Variants in RUFY3 observed in about 807,000 individuals in gnomAD.
RUFY3 encodes the protein protein RUFY3.
In RUFY3, 34 loss-of-function variants were observed where a neutral mutation model predicts 84.0. The observed-to-expected ratio is 0.40, with a 90% CI of 0.31 to 0.54. The LOEUF is 0.54. Among genes scored for constraint, RUFY3 ranks in the 20% least tolerant of loss-of-function variants. The pLI is 0.39. For synonymous variants in RUFY3, 242 were observed against 252.9 expected (o/e 0.96, Z 0.41); for missense variants, 507 against 736.8 (o/e 0.69, Z 3.61).
chr4:70,757,854 TG>T (rs1358210033), intron 1 of RUFY3, among the ~76,000 whole-genome samples: 3 of 152,164 alleles, frequency 2.0e-5, no homozygotes, highest in Non-Finnish European at 4.4e-5. Context: ...CAATATGTAT[TG>T]AAAAAAATAA....
intron 1 of RUFY3, among the ~76,000 whole-genome samples, chr4:70,727,053 T>G (rs1034443062): frequency 3.3e-5 from 5 of 150,838 alleles, no homozygotes; most frequent in Non-Finnish European, 1.5e-5. Flanking sequence ...TTTTTTTTTT[T>G]TTTTTTAACC....
At chr4:70,742,293 G>A (rs2148649853) in intron 1 of RUFY3, among the ~76,000 whole-genome samples, 1 of 152,252 alleles carries the variant, frequency 6.6e-6, no homozygotes, top group East Asian at 1.9e-4. Context: ...ACTATAGGGA[G>A]CTCAGAGCGA....
At chr4:70,705,928 AG>A (rs1560427916) in intron 1 of RUFY3, among the ~76,000 whole-genome samples, 1 of 152,230 alleles carries the variant, frequency 6.6e-6, no homozygotes, top group Non-Finnish European at 1.5e-5. Flanking sequence ...GAAGACAAGA[AG>A]GGAATGTGTG....
At chr4:70,729,958 G>A (rs1211786036) in intron 1 of RUFY3, among the ~76,000 whole-genome samples, 2 of 142,498 alleles carry the variant, frequency 1.4e-5, no homozygotes, top group Non-Finnish European at 3.0e-5. Flanking sequence ...TTTTGAGATG[G>A]AGTCTCGCTC....
chr4:70,722,565 TGAGTCATCA>T lies in RUFY3; in HGVS notation c.-8_1del. On this transcript the variant is annotated start_lost and 5_prime_UTR_variant, in exon 1 of 18. Coordinates refer to ENST00000381006, the MANE Select transcript of RUFY3 (RefSeq NM_001037442.4). ...TCTGTGTGTGTGTTGTGGTCCCAGC[TGAGTCATCA>T]TGTCTGCTCTGACGCCTCCGACCGA... 1 of 1,611,456 alleles carries T rather than the reference TGAGTCATCA, an allele frequency of 6.2e-7. No homozygotes were observed. Among genetic ancestry groups the T allele is most frequent in the Non-Finnish European group, 8.5e-7 (1 of 1,178,960 alleles).
intron 9 of RUFY3, among the ~76,000 whole-genome samples, 166 bp downstream of exon 9, chr4:70,783,349 G>A (rs991277478): frequency 1.3e-5 from 2 of 152,196 alleles, no homozygotes; most frequent in African/African-American, 4.8e-5. Flanking sequence ...AGGGTTATGC[G>A]CCTTTTTCTA....
At position 70,808,111 on chromosome 4, in the gene RUFY3, A is replaced by ACAT. The variant is rs1169654234; in HGVS notation, c.*1455_*1457dup. ...TACTTATACCTAATAAAATACCTACACATCACTTCATTTGCATGGATTCAA... is the reference window on the plus strand; with the variant it reads ...TACTTATACCTAATAAAATACCTACACATCATCACTTCATTTGCATGGATTCAA... On this transcript the variant is annotated 3_prime_UTR_variant, in exon 18 of 18. Transcript: ENST00000381006. 2.0e-5 allele frequency among the ~76,000 whole-genome samples: 3 copies of ACAT among 152,182 alleles called. No homozygotes were observed. The highest frequency in any genetic ancestry group is 4.4e-5 in the Non-Finnish European group (3 of 68,040).
At chr4:70,774,644 A>AAAAAAAAAAAAAAAAAAAT (rs1553916771) in intron 6 of RUFY3, among the ~76,000 whole-genome samples, 1 of 56,686 alleles carries the variant, frequency 1.8e-5, no homozygotes, top group Non-Finnish European at 3.1e-5. Context: ...AAAAAAAAAA[A>AAAAAAAAAAAAAAAAAAAT]ATATATATAT....
At position 70,806,969 on chromosome 4, in the gene RUFY3, G is replaced by C. The variant is rs1314035284; in HGVS notation, c.*310G>C. 1 of 205,194 alleles carries C rather than the reference G, an allele frequency of 4.9e-6. No homozygotes were observed. Among genetic ancestry groups the C allele is most frequent in the Non-Finnish European group, 9.8e-6 (1 of 102,538 alleles). The allele number at this position is 205,194 out of a possible 1,614,324, so 12.7% of individuals were successfully genotyped here. A position where few individuals can be genotyped will look rare whatever the true frequency, so the allele number is the denominator to read the frequency against. On this transcript the variant is annotated 3_prime_UTR_variant, in exon 18 of 18. Transcript: ENST00000381006. ...CATTTTTATGATTAGTGATACTGGG[G>C]TGGATTTAATAGGAGAGAGAATCCA... is the stretch of plus-strand genomic sequence containing the variant.
At chr4:70,794,702 A>ACTGCAC (rs1389847682) in intron 13 of RUFY3, 93 bp from the exon 14 acceptor site, 1 of 786,528 alleles carries the variant, frequency 1.3e-6, no homozygotes, top group African/African-American at 1.8e-5. Context: ...ATTCGTAATT[A>ACTGCAC]CTGCACTTTA....
At chr4:70,750,668 ACT>A (rs1038291673) in intron 1 of RUFY3, among the ~76,000 whole-genome samples, 2 of 151,994 alleles carry the variant, frequency 1.3e-5, no homozygotes, top group African/African-American at 4.8e-5. Flanking sequence ...CTAAAAAGAA[ACT>A]CTGTACCCAT....
At chr4:70,796,769 G>T (rs1731558055) in intron 14 of RUFY3, among the ~76,000 whole-genome samples, 1 of 152,040 alleles carries the variant, frequency 6.6e-6, no homozygotes. Context: ...TTTGTAAACT[G>T]CCCACTTCTT....
chr4:70,736,279 T>TA (rs773104878), intron 1 of RUFY3, among the ~76,000 whole-genome samples: 1 of 152,082 alleles, frequency 6.6e-6, no homozygotes, highest in Admixed American at 6.5e-5. Context: ...AGTCACAAGA[T>TA]ACAGAAAAGT....
chr4:70,764,960 C>A (rs1725598727), intron 4 of RUFY3, among the ~76,000 whole-genome samples: 1 of 151,964 alleles, frequency 6.6e-6, no homozygotes, highest in African/African-American at 2.4e-5. Flanking sequence ...CCAAGGTGGG[C>A]AGACCACTTG....
intron 1 of RUFY3, among the ~76,000 whole-genome samples, chr4:70,754,549 TGAG>T (rs1487442435): frequency 1.3e-5 from 2 of 150,922 alleles, no homozygotes; most frequent in Non-Finnish European, 3.0e-5. Context: ...TTTTTGTAAA[TGAG>T]GATAGAATAA....
chr4:70,739,277 AT>A, intron 1 of RUFY3, among the ~76,000 whole-genome samples: 1 of 151,918 alleles, frequency 6.6e-6, no homozygotes, highest in African/African-American at 2.4e-5. Flanking sequence ...AGGTTGACTA[AT>A]TTTTTTTCCT....
chr4:70,804,083 A>G (rs1008602528), intron 16 of RUFY3, among the ~76,000 whole-genome samples: 4 of 152,082 alleles, frequency 2.6e-5, no homozygotes, highest in African/African-American at 9.7e-5. Context: ...GGAATGGGAT[A>G]GTGTTAAAAC....
At chr4:70,705,725 T>C (rs557056653) in intron 1 of RUFY3, among the ~76,000 whole-genome samples, 23 of 152,248 alleles carry the variant, frequency 1.5e-4, no homozygotes, top group African/African-American at 5.3e-4. Context: ...GGAGACCCCG[T>C]GGCCCCTCTG....
intron 10 of RUFY3, among the ~76,000 whole-genome samples, chr4:70,787,185 A>ATAT (rs1304479411): frequency 4.2e-5 from 5 of 119,264 alleles, no homozygotes; most frequent in Admixed American, 1.8e-4. Flanking sequence ...AAAAAAAAAA[A>ATAT]AAATATATAT....
Sources: gnomAD v4.1 joint callset for allele counts (sites outside exome capture counted in the v4.1 genomes callset) on GRCh38, gnomAD v4.1.1 for gene constraint, MANE v1.5 for transcripts, NCBI Gene and HGNC (gene_info 2026-07-23, HGNC 2026-07-21) for gene names.